The following CLIP1 variants were observed in gnomAD, a reference collection of about 807,000 sequenced individuals.
The protein encoded by CLIP1 is CAP-Gly domain-containing linker protein 1.
Under a neutral mutation model 161.6 loss-of-function variants are expected in CLIP1, and 66 were observed. That is an observed-to-expected ratio of 0.41 (90% CI 0.33 to 0.50). The LOEUF (loss-of-function observed/expected upper bound fraction) is 0.50. Ranked by LOEUF, CLIP1 falls within the 20% of genes least tolerant of loss-of-function variation. CLIP1 has a pLI of 0.27. For missense variants in CLIP1, 1,376 were observed against 1,702.0 expected, an observed-to-expected ratio of 0.81 and a Z score of 3.37; for synonymous variants, 598 against 626.2, an observed-to-expected ratio of 0.96 and a Z score of 0.67.
At chr12:122,358,089 T>C (rs989573092) in intron 5 of CLIP1, among the ~76,000 whole-genome samples, 1 of 152,196 alleles carries the variant, frequency 6.6e-6, no homozygotes, top group African/African-American at 2.4e-5. Context: ...TTTTGCTCTG[T>C]ACTAAGAAAA....
In CLIP1 at chr12:122,405,268, C is replaced by A. The variant is rs11058014; in HGVS notation, c.-107+17253G>T. The stretch of plus-strand genomic sequence containing the variant: ...CGTCATTGCCTAGATTCACAAGGGA[C>A]GCGTTCTCGCAAGTACTATGGTCAA... On this transcript the variant is annotated intron_variant, in intron 1 of 25. Coordinates refer to ENST00000620786, the MANE Select transcript of CLIP1 (RefSeq NM_001247997.2). Among the ~76,000 whole-genome samples, 4 of 152,240 alleles carry A rather than the reference C, an allele frequency of 2.6e-5. No individual in the cohort carries two copies. The East Asian group carries it at 7.7e-4, about 29-fold the overall frequency.
At chr12:122,411,942 T>G (rs1956548793) in intron 1 of CLIP1, among the ~76,000 whole-genome samples, 1 of 152,174 alleles carries the variant, frequency 6.6e-6, no homozygotes, top group Non-Finnish European at 1.5e-5. Context: ...CACTGAATTG[T>G]ATACTTTAAG....
At chr12:122,397,948 C>T (rs1955987825) in intron 1 of CLIP1, among the ~76,000 whole-genome samples, 3 of 142,596 alleles carry the variant, frequency 2.1e-5, no homozygotes, top group Non-Finnish European at 4.6e-5. Flanking sequence ...GAGTGAGACG[C>T]CGTCTCAAAA....
chr12:122,311,248 A>T lies in CLIP1; in HGVS notation c.3474-1366T>A, dbSNP rs997396592. Among the ~76,000 whole-genome samples the T allele has an allele frequency of 5.3e-5, 8 of 151,600 alleles. No individual in the cohort carries two copies. Among genetic ancestry groups the T allele is most frequent in the Non-Finnish European group, 1.2e-4 (8 of 67,932 alleles). ...TATTTCCCAGGTGGTCACTGCCTTC[A>T]TGAGTGGCTACATGGTGTCTGCATG... is the stretch of plus-strand genomic sequence containing the variant. On this transcript the variant is annotated intron_variant, in intron 19 of 25. Transcript: ENST00000620786. This position sits in a 1 kb window ranked among gnomAD's most constrained non-coding sequence, Gnocchi z 4.3.
At position 122,377,519 on chromosome 12, in the gene CLIP1, G is replaced by C. The variant is rs1434211171; in HGVS notation, c.527C>G (p.Ala176Gly). 1 of 1,614,048 alleles carries C rather than the reference G, an allele frequency of 6.2e-7. No individual in the cohort carries two copies. The highest frequency in any genetic ancestry group is 1.7e-5 in the Admixed American group (1 of 59,976). ...NIPQKPSQPA[A>G]KEPSATPPIS... Reference sequence around the variant, plus strand: ...CGGAGGCGTAGCTGAAGGTTCCTTTGCTGCTGGCTGTGATGGTTTCTGAGG... The same window carrying C: ...CGGAGGCGTAGCTGAAGGTTCCTTTCCTGCTGGCTGTGATGGTTTCTGAGG... Residue 176 changes from alanine (A) to glycine (G), a missense_variant, in exon 3 of 26, where the codon GCA becomes GGA. By Grantham distance (60) the Ala-to-Gly change is moderately conservative. Coordinates refer to ENST00000620786, the MANE Select transcript of CLIP1 (RefSeq NM_001247997.2).
intron 15 of CLIP1, among the ~76,000 whole-genome samples, chr12:122,329,211 C>T (rs573786681): frequency 6.6e-6 from 1 of 152,232 alleles, no homozygotes; most frequent in African/African-American, 2.4e-5. Context: ...CCTACAATCC[C>T]AGCTACTCAG....
intron 5 of CLIP1, among the ~76,000 whole-genome samples, chr12:122,358,292 CA>C (rs1267715763): frequency 1.3e-5 from 2 of 151,826 alleles, no homozygotes; most frequent in African/African-American, 2.4e-5. Flanking sequence ...CCCAGGGACA[CA>C]AACACTGCGG....
chr12:122,339,849 C>A (rs1055994338), intron 11 of CLIP1, among the ~76,000 whole-genome samples: 6 of 152,114 alleles, frequency 3.9e-5, no homozygotes, highest in Admixed American at 2.0e-4. Context: ...CCTATTGTTC[C>A]TATACTATAA....
intron 1 of CLIP1, among the ~76,000 whole-genome samples, chr12:122,402,669 C>A (rs891108501): frequency 6.6e-6 from 1 of 151,736 alleles, no homozygotes. Context: ...CCACCTACTC[C>A]GGAGGCTGAG....
intron 18 of CLIP1, among the ~76,000 whole-genome samples, chr12:122,318,589 A>G (rs1229569470): frequency 6.6e-6 from 1 of 152,182 alleles, no homozygotes; most frequent in African/African-American, 2.4e-5. Flanking sequence ...AAAGCATCTG[A>G]AGTTCCACAG....
At position 122,377,931 on chromosome 12, in the gene CLIP1, T is replaced by C. The variant is rs1263331700; in HGVS notation, c.115A>G (p.Ser39Gly). The C allele has an allele frequency of 1.2e-6, 2 of 1,610,316 alleles. No individual in the cohort carries two copies. The highest frequency in any genetic ancestry group is 4.5e-5 in the East Asian group (2 of 44,838). ...VVAPVEKTIS[S>G]EKASSTPSSE... is the part of the protein sequence containing the mutation. ...GATGGAGTGCTTGATGCTTTTTCAC[T>C]GGATATGGTTTTTTCTACTGGAGCT... Residue 39 changes from serine (S) to glycine (G), a missense_variant, in exon 3 of 26, where the codon AGT (serine) becomes GGT (glycine). Physicochemically the swap from Ser to Gly is moderately conservative, Grantham distance 56. Coordinates refer to ENST00000620786, the MANE Select transcript of CLIP1 (RefSeq NM_001247997.2).
At chr12:122,326,208 A>G (rs1951705799) in intron 17 of CLIP1, among the ~76,000 whole-genome samples, 1 of 152,212 alleles carries the variant, frequency 6.6e-6, no homozygotes, top group Non-Finnish European at 1.5e-5. Context: ...GGCATTTTTA[A>G]CTCAATGACT....
Position 122,355,821 on chromosome 12 carries a change from G to A in CLIP1, c.1006-509C>T, listed in dbSNP as rs114824658. ...GTAGAGACGGGGTTTTGCCATGTTC[G>A]CCAGGCTGTTCTCGAACTCTAAAGT... On this transcript the variant is annotated intron_variant, in intron 5 of 25. Transcript: ENST00000620786. This position sits in a 1 kb window ranked among gnomAD's most constrained non-coding sequence, Gnocchi z 4.1. 2.0e-3 allele frequency: 302 copies of A among 154,668 alleles called. 3 individuals are homozygous for A. Among genetic ancestry groups the A allele is most frequent in the African/African-American group, 7.0e-3 (290 of 41,544 alleles). The allele number at this position is 154,668 out of a possible 1,614,324, so 9.6% of individuals were successfully genotyped here.
chr12:122,410,944 CAT>C (rs1956507673), intron 1 of CLIP1, among the ~76,000 whole-genome samples: 1 of 152,144 alleles, frequency 6.6e-6, no homozygotes, highest in African/African-American at 2.4e-5. Flanking sequence ...ATCAAAAAGA[CAT>C]AGAAGTGCTG....
At chr12:122,343,517 T>C (rs1056530940) in intron 10 of CLIP1, 2 of 152,178 alleles carry the variant, frequency 1.3e-5, no homozygotes, top group African/African-American at 4.8e-5. Context: ...ATCCCCTTTT[T>C]AGATATGATA....
intron 10 of CLIP1, chr12:122,344,128 C>T (rs1293139710): frequency 6.6e-6 from 1 of 152,170 alleles, no homozygotes; most frequent in Non-Finnish European, 1.5e-5. Context: ...CAGAAAATAA[C>T]AGATATGTTT....
In CLIP1 at chr12:122,328,016, G is replaced by T. The variant is rs570410484; in HGVS notation, c.3180C>A (p.Gly1060=). The T allele has an allele frequency of 1.2e-6, 2 of 1,614,102 alleles. No individual in the cohort carries two copies. The highest frequency in any genetic ancestry group is 1.7e-6 in the Non-Finnish European group (2 of 1,180,032). Residue 1060 remains glycine, a synonymous_variant, in exon 17 of 26, where the codon GGC becomes GGA. Transcript: ENST00000620786. ...TLLDTEDKLK[G]AREENSGLLQ... ...GCAAGCCACTGTTCTCCTCCCGTGC[G>T]CCCTTCAGCTTGTCCTCTGTGTCCA... is the stretch of plus-strand genomic sequence containing the variant.
intron 5 of CLIP1, among the ~76,000 whole-genome samples, chr12:122,356,344 G>A (rs1953359011): frequency 6.6e-6 from 1 of 152,172 alleles, no homozygotes; most frequent in Non-Finnish European, 1.5e-5. Context: ...TGGACTCTGT[G>A]CAAACTACTA....
rs762561671 is a variant in CLIP1, at chr12:122,346,625, C to A, written c.1506+750G>T. ...TCAAGCAATCCTCCTGCCTCAGCCT[C>A]CCATGTACCTGAGATTACAGGCATG... On this transcript the variant is annotated intron_variant, in intron 10 of 25. Transcript: ENST00000620786. 1.1e-4 allele frequency among the ~76,000 whole-genome samples: 16 copies of A among 152,194 alleles called. 1 individual carries two copies. The highest frequency in any genetic ancestry group is 2.0e-4 in the Admixed American group (3 of 15,278).
Sources: allele counts gnomAD v4.1 joint callset (sites outside exome capture counted in the v4.1 genomes callset), GRCh38; gene constraint gnomAD v4.1.1; non-coding constraint Gnocchi (gnomAD v3.1); transcripts MANE v1.5; gene names NCBI Gene and HGNC (gene_info 2026-07-23, HGNC 2026-07-21).